Variants in MYH14 observed in about 807,000 individuals in gnomAD.
The protein encoded by MYH14 is myosin-14.
MYH14 carries 123 observed loss-of-function variants against 255.5 expected under a neutral mutation model. That is an observed-to-expected ratio of 0.48 (90% confidence interval 0.42 to 0.56). The LOEUF is 0.56. Ranked by LOEUF, MYH14 falls within the 20% of genes least tolerant of loss-of-function variation. The pLI is 0.00. For synonymous variants in MYH14, 1,095 were observed against 1,161.2 expected, an observed-to-expected ratio of 0.94 and a Z score of 1.16; for missense variants, 2,423 against 2,802.3, an observed-to-expected ratio of 0.86 and a Z score of 3.06.
rs575549389 is a variant in MYH14, at chr19:50,222,351, G to C, written c.563-732G>C. Among the ~76,000 whole-genome samples the C allele has an allele frequency of 5.9e-5, 9 of 151,834 alleles. No individual in the cohort carries two copies. In the South Asian group the frequency reaches 1.9e-3, roughly 32 times the overall value. On this transcript the variant is annotated intron_variant, in intron 3 of 42. Coordinates refer to ENST00000642316, the MANE Select transcript of MYH14 (RefSeq NM_001145809.2). ...AAAAATTAGCTGGGCGTGGTGGTGGGCGCCTCTAGTCCCAGGTACTTGGGA... is the reference window on the plus strand; with the variant it reads ...AAAAATTAGCTGGGCGTGGTGGTGGCCGCCTCTAGTCCCAGGTACTTGGGA...
rs2035354127 is a variant in MYH14, at chr19:50,272,699, G to A, written c.3435G>A (p.Arg1145=). ...RAEELRAQLG[R]KEEELQAALA... ...AGGAGCTGCGGGCCCAGCTGGGCCGGAAGGAGGAGGAGCTGCAGGCTGCCC... is the reference window on the plus strand; with the variant it reads ...AGGAGCTGCGGGCCCAGCTGGGCCGAAAGGAGGAGGAGCTGCAGGCTGCCC... Residue 1145 remains arginine (R), a synonymous_variant, in exon 27 of 43, where the codon CGG becomes CGA. Transcript: ENST00000642316. 1 of 1,551,660 alleles carries A rather than the reference G, an allele frequency of 6.4e-7. No individual in the cohort carries two copies. The highest frequency in any genetic ancestry group is 1.4e-5 in the African/African-American group (1 of 73,092).
At position 50,307,074 on chromosome 19, in the gene MYH14, G is replaced by A; in HGVS notation, c.5704G>A (p.Val1902Met). Residue 1902 changes from valine to methionine, a missense_variant, in exon 41 of 43, where the codon GTG becomes ATG. Around this residue, in one of 3 missense-constraint regions of MYH14, gnomAD observed 1,513 missense variants for 1,674.8 expected, o/e 0.90. Coordinates refer to ENST00000642316, the MANE Select transcript of MYH14 (RefSeq NM_001145809.2). ...TRERILSGKL[V>M]RRAEKRLKEV... ...AGAGCGCATCCTCTCTGGAAAGCTG[G>A]TGCGCAGAGCTGAGAAGCGGCTTAA... is the stretch of plus-strand genomic sequence containing the variant. The A allele has an allele frequency of 6.4e-7, 1 of 1,551,156 alleles. No individual in the cohort carries two copies. Among genetic ancestry groups the A allele is most frequent in the Non-Finnish European group, 8.7e-7 (1 of 1,146,894 alleles).
chr19:50,226,934 C>T lies in MYH14; in HGVS notation c.842C>T (p.Ala281Val). 2 of 1,613,806 alleles carry T rather than the reference C, an allele frequency of 1.2e-6. No homozygotes were observed. Residue 281 changes from alanine to valine, a missense_variant, in exon 8 of 43, where the codon GCC becomes GTC. Ala to Val is a moderately conservative substitution (Grantham distance 64). Around this residue, in one of 3 missense-constraint regions of MYH14, gnomAD observed 672 missense variants for 881.8 expected, o/e 0.76. Coordinates refer to ENST00000642316, the MANE Select transcript of MYH14 (RefSeq NM_001145809.2). ...TTCATCCGCATCAACTTTGATGTTG[C>T]CGGGTACATCGTGGGCGCCAACATT... The part of the protein sequence containing the change: ...GKFIRINFDV[A>V]GYIVGANIET...
chr19:50,207,410 A>G (rs1294599258), intron 1 of MYH14, among the ~76,000 whole-genome samples: 1 of 151,678 alleles, frequency 6.6e-6, no homozygotes, highest in Non-Finnish European at 1.5e-5. Context: ...AATTGCCACT[A>G]CTGCCCATGG....
In MYH14 at chr19:50,278,225, A is replaced by G. The variant is rs774235490; in HGVS notation, c.3968A>G (p.Gln1323Arg). The change falls in exon 30 of 43, where the codon CAG becomes CGG. Residue 1323 changes from glutamine (Q) to arginine (R), a missense_variant. Coordinates refer to ENST00000642316, the MANE Select transcript of MYH14 (RefSeq NM_001145809.2). ...CTGGAGTTACAGCTGCAGGAGGTGC[A>G]GGGCCGGGCTGGTGATGGGGAGAGG... ...RRLELQLQEVQGRAGDGERAR... is the reference protein window; with the variant it reads ...RRLELQLQEVRGRAGDGERAR... 5.0e-6 allele frequency: 8 copies of G among 1,602,738 alleles called. No homozygotes were observed. In the Admixed American group the frequency reaches 1.2e-4, roughly 24 times the overall value.
At chr19:50,251,582 AT>A (rs1402754639) in intron 15 of MYH14, among the ~76,000 whole-genome samples, 2 of 143,984 alleles carry the variant, frequency 1.4e-5, no homozygotes, top group African/African-American at 2.6e-5. Context: ...ATATATATGT[AT>A]TTTTTTTTAT....
At position 50,295,026 on chromosome 19, in the gene MYH14, T is replaced by TAAAAAAAAAAA. The variant is rs373838791; in HGVS notation, c.5469+1344_5469+1345insAAAAAAAAAAA. On this transcript the variant is annotated intron_variant, in intron 39 of 42. Coordinates refer to ENST00000642316, the MANE Select transcript of MYH14 (RefSeq NM_001145809.2). ...TTAAGTTTTTTTTTTTTTTTTTTTTTAAAAACAGGCCAGGTGTGGCCGGGC... is the reference window on the plus strand; with the variant it reads ...TTAAGTTTTTTTTTTTTTTTTTTTTTAAAAAAAAAAAAAAAACAGGCCAGGTGTGGCCGGGC... Among the ~76,000 whole-genome samples, 93 of 141,868 alleles carry TAAAAAAAAAAA rather than the reference T, an allele frequency of 6.6e-4. 1 individual carries two copies. Among genetic ancestry groups the TAAAAAAAAAAA allele is most frequent in the Non-Finnish European group, 4.8e-4 (32 of 66,262 alleles). The allele number at this position is 141,868 out of a possible 152,430, so 93.1% of individuals were successfully genotyped here.
chr19:50,262,591 ACC>A (rs1343855898), intron 21 of MYH14, among the ~76,000 whole-genome samples: 1 of 151,228 alleles, frequency 6.6e-6, no homozygotes, highest in African/African-American at 2.4e-5. Flanking sequence ...TGGCCCAAAC[ACC>A]AGGCTGAGTG....
In MYH14 at chr19:50,268,865, G is replaced by A. The variant is rs911551879; in HGVS notation, c.3033+498G>A. On this transcript the variant is annotated intron_variant, in intron 24 of 42. Transcript: ENST00000642316. ...TGTTCTCAGTACTCCCCCTCTCTCC[G>A]TCTCCTGGCTGCATTCACGGGCAGG... Among the ~76,000 whole-genome samples, 8 of 152,250 alleles carry A rather than the reference G, an allele frequency of 5.3e-5. No individual in the cohort carries two copies. The East Asian group carries it at 9.6e-4, about 18-fold the overall frequency.
At chr19:50,285,591 C>T (rs1167885509) in intron 33 of MYH14, 1 of 152,146 alleles carries the variant, frequency 6.6e-6, no homozygotes, top group Non-Finnish European at 1.5e-5. Flanking sequence ...TGGCTAAACT[C>T]ACTTACTAGT....
rs761663501 is a variant in MYH14, at chr19:50,292,348, C to T, written c.5215C>T (p.Arg1739Cys). The T allele has an allele frequency of 1.9e-6, 3 of 1,592,502 alleles. No homozygotes were observed. Among genetic ancestry groups the T allele is most frequent in the African/African-American group, 1.3e-5 (1 of 74,594 alleles). ...CTCCCAGAATCGGGAAAGTGAAAAG[C>T]GCCTCAAGGGCCTGGAGGCTGAGGT... is the stretch of plus-strand genomic sequence containing the variant. Reference protein sequence around the residue: ...IFSQNRESEKRLKGLEAEVLR... With the variant: ...IFSQNRESEKCLKGLEAEVLR... Residue 1739 changes from arginine to cysteine, a missense_variant, in exon 37 of 43, where the codon CGC becomes TGC. Transcript: ENST00000642316.
chr19:50,238,848 C>T (rs2123264734), intron 10 of MYH14, among the ~76,000 whole-genome samples: 1 of 152,244 alleles, frequency 6.6e-6, no homozygotes, highest in South Asian at 2.1e-4. Flanking sequence ...TCTTTGGGGT[C>T]TGTTATTCAT....
intron 11 of MYH14, among the ~76,000 whole-genome samples, chr19:50,245,420 C>CAAAAAAA (rs1259970275): frequency 1.0e-4 from 10 of 95,968 alleles, no homozygotes; most frequent in East Asian, 2.9e-4. Context: ...AATCTGTCTC[C>CAAAAAAA]AAAAAAAAAA....
chr19:50,273,273 A>G (rs1469612909), intron 27 of MYH14, among the ~76,000 whole-genome samples: 1 of 132,954 alleles, frequency 7.5e-6, no homozygotes, highest in Non-Finnish European at 1.6e-5. Context: ...CCTGGGCAAC[A>G]GAGCAAGACT....
chr19:50,223,043 C>A (rs1177107671), intron 3 of MYH14, 40 bp from the exon 4 acceptor site: 2 of 1,600,726 alleles, frequency 1.2e-6, no homozygotes, highest in South Asian at 2.2e-5. Context: ...CTGCTAGAGA[C>A]TCTCTCAGAT....
chr19:50,208,723 C>T (rs2031983336), intron 1 of MYH14, among the ~76,000 whole-genome samples: 1 of 152,024 alleles, frequency 6.6e-6, no homozygotes, highest in Admixed American at 6.6e-5. Flanking sequence ...TTTTATTTAA[C>T]CCAGTAGATT....
chr19:50,281,974 C>G (rs373315963), intron 33 of MYH14, 132 bp downstream of exon 33: 3 of 944,456 alleles, frequency 3.2e-6, no homozygotes, highest in Middle Eastern at 2.6e-4. Flanking sequence ...GAAGCAAGAC[C>G]CTTCTTTGCT....
rs376222209 is a variant in MYH14 at position 50,250,479 on chromosome 19, G to C, written c.1657-36G>C. ...GCCACCTGAGTGTCCAATATGTGGG[G>C]ATCTGACTTACTCTCCCCCTGCTGT... On this transcript the variant is annotated intron_variant, in intron 14 of 42. Transcript: ENST00000642316. This position sits in a 1 kb window ranked among gnomAD's most constrained non-coding sequence, Gnocchi z 5.4. 6.3e-7 allele frequency: 1 copy of C among 1,597,562 alleles called. No individual in the cohort carries two copies. The highest frequency in any genetic ancestry group is 8.5e-7 in the Non-Finnish European group (1 of 1,170,808).
At chr19:50,238,668 T>C (rs1600912481) in intron 10 of MYH14, among the ~76,000 whole-genome samples, 1 of 152,246 alleles carries the variant, frequency 6.6e-6, no homozygotes, top group East Asian at 1.9e-4. Flanking sequence ...GCCAGGCTGG[T>C]CTCGAACTCC....
Sources: gnomAD v4.1 joint callset for allele counts (sites outside exome capture counted in the v4.1 genomes callset) on GRCh38, gnomAD v4.1.1 for gene constraint, gnomAD v4.1.1 regional missense constraint, Gnocchi (gnomAD v3.1) non-coding constraint, MANE v1.5 for transcripts, NCBI Gene and HGNC (gene_info 2026-07-23, HGNC 2026-07-21) for gene names.